The following UBQLN4 variants were observed in gnomAD, a reference collection of about 807,000 sequenced individuals.
UBQLN4 encodes the protein ubiquilin-4.
Under a neutral mutation model 60.4 loss-of-function variants are expected in UBQLN4, and 11 were observed. The observed-to-expected ratio is 0.18, with a 90% confidence interval of 0.11 to 0.30. UBQLN4 has a LOEUF of 0.30. Ranked by LOEUF, UBQLN4 falls within the 10% of genes least tolerant of loss-of-function variation. UBQLN4 has a pLI of 1.00. For synonymous variants in UBQLN4, 258 were observed against 313.1 expected, an observed-to-expected ratio of 0.82 and a Z score of 1.86; for missense variants, 417 against 795.5, an observed-to-expected ratio of 0.52 and a Z score of 5.72.
chr1:156,043,856 C>G (rs941940657), intron 6 of UBQLN4, 142 bp downstream of exon 6: 1 of 913,574 alleles, frequency 1.1e-6, no homozygotes, highest in Non-Finnish European at 1.7e-6. Flanking sequence ...CGGCCACTAT[C>G]CCAGACGGCA....
At chr1:156,043,837 G>T (rs567225235) in intron 6 of UBQLN4, among the ~76,000 whole-genome samples, 161 bp downstream of exon 6, 12 of 152,280 alleles carry the variant, frequency 7.9e-5, no homozygotes, top group African/African-American at 2.9e-4. Context: ...GCCAGAACCA[G>T]CCCTCACCCG....
At position 156,037,084 on chromosome 1, in the gene UBQLN4, T is replaced by C. The variant is rs763446941; in HGVS notation, c.1700A>G (p.Asn567Ser). Residue 567 changes from asparagine (N) to serine (S), a missense_variant, in exon 11 of 11, where the codon AAC becomes AGC. By Grantham distance (46) the Asn-to-Ser change is conservative. Coordinates refer to ENST00000368309, the MANE Select transcript of UBQLN4 (RefSeq NM_020131.5). ...CTCACGATTGATGAAGCCCATGGAG[T>C]TGAGCTGCTCCAGCTGCTGCTGAAA... The part of the protein sequence containing the change: ...VRFQQQLEQL[N>S]SMGFINREAN... 6.2e-7 allele frequency: 1 copy of C among 1,613,914 alleles called. No individual in the cohort carries two copies. Among genetic ancestry groups the C allele is most frequent in the African/African-American group, 1.3e-5 (1 of 74,864 alleles).
intron 5 of UBQLN4, among the ~76,000 whole-genome samples, chr1:156,047,347 G>A (rs1683731192): frequency 6.6e-6 from 1 of 150,722 alleles, no homozygotes; most frequent in Non-Finnish European, 1.5e-5. Flanking sequence ...GGGTTCAAGC[G>A]ATTCTCCTGC....
rs938692403 is a variant in UBQLN4, at chr1:156,035,740, C to T, written c.*1238G>A. The T allele has an allele frequency of 1.0e-6, 1 of 985,404 alleles. No individual in the cohort carries two copies. The highest frequency in any genetic ancestry group is 1.7e-5 in the African/African-American group (1 of 57,318). The allele number at this position is 985,404 out of a possible 1,614,324, so 61.0% of individuals were successfully genotyped here. A position where few individuals can be genotyped will look rare whatever the true frequency, so the allele number is the denominator to read the frequency against. ...AGCTTCAGAAAGGGTACCCACATTACCTCTGGGTTACCCAGCATCCAGAGC... is the reference window on the plus strand; with the variant it reads ...AGCTTCAGAAAGGGTACCCACATTATCTCTGGGTTACCCAGCATCCAGAGC... On this transcript the variant is annotated 3_prime_UTR_variant, in exon 11 of 11. Coordinates refer to ENST00000368309, the MANE Select transcript of UBQLN4 (RefSeq NM_020131.5).
At chr1:156,040,612 AT>A (rs977311697) in intron 10 of UBQLN4, among the ~76,000 whole-genome samples, 223 of 144,500 alleles carry the variant, frequency 1.5e-3, no homozygotes, top group Non-Finnish European at 1.9e-3. Flanking sequence ...CGCCTGGCTA[AT>A]TTTTTTTTTT....
chr1:156,042,512 C>T (rs1399565972), intron 7 of UBQLN4: 2 of 1,220,290 alleles, frequency 1.6e-6, no homozygotes, highest in Admixed American at 3.1e-5. Flanking sequence ...TACTCTGTCA[C>T]ACGCCATGTT....
In UBQLN4 at chr1:156,050,472, C is replaced by T. The variant is rs141620310; in HGVS notation, c.560G>A (p.Arg187Gln). 91 of 1,613,718 alleles carry T rather than the reference C, an allele frequency of 5.6e-5. No individual in the cohort carries two copies. In the Admixed American group the frequency reaches 1.1e-3, roughly 19 times the overall value. The change falls in exon 4 of 11, where the codon CGG (arginine) becomes CAG (glutamine). Residue 187 changes from arginine (R) to glutamine (Q), a missense_variant. Arg to Gln is a conservative substitution (Grantham distance 43). Coordinates refer to ENST00000368309, the MANE Select transcript of UBQLN4 (RefSeq NM_020131.5). This position sits in a 1 kb window ranked among gnomAD's most constrained non-coding sequence, Gnocchi z 4.6. Reference sequence around the variant, plus strand: ...CATCTCAGGATTGGACATCAGCTGCCGCTGCATCTGCTGCTGCAGCTCCAT... The same window carrying T: ...CATCTCAGGATTGGACATCAGCTGCTGCTGCATCTGCTGCTGCAGCTCCAT... ...NFMELQQQMQRQLMSNPEMLS... is the reference protein window; with the variant it reads ...NFMELQQQMQQQLMSNPEMLS...
intron 10 of UBQLN4, among the ~76,000 whole-genome samples, chr1:156,039,936 CAAAAAAAAA>C (rs34790727): frequency 2.8e-5 from 2 of 72,008 alleles, no homozygotes; most frequent in African/African-American, 1.1e-4. Flanking sequence ...GACTCCGTCT[CAAAAAAAAA>C]AAAAAAAAAA....
At chr1:156,043,592 T>C (rs1683623578) in intron 6 of UBQLN4, among the ~76,000 whole-genome samples, 1 of 152,056 alleles carries the variant, frequency 6.6e-6, no homozygotes, top group Admixed American at 6.6e-5. Flanking sequence ...TCCTCTAGGG[T>C]TGTGCAGTGC....
chr1:156,050,422 G>A lies in UBQLN4; in HGVS notation c.610C>T (p.Leu204=). ...GGGTTAGACATCATATCCTGGACCA[G>A]GGGGTTCTCCATGATCTGTGACAGC... The part of the protein sequence containing the change: ...EMLSQIMENP[L]VQDMMSNPDL... Residue 204 remains leucine (L), a synonymous_variant, in exon 4 of 11, where the codon CTG becomes TTG. Coordinates refer to ENST00000368309, the MANE Select transcript of UBQLN4 (RefSeq NM_020131.5). This position sits in a 1 kb window ranked among gnomAD's most constrained non-coding sequence, Gnocchi z 4.6. The A allele has an allele frequency of 6.2e-7, 1 of 1,614,064 alleles. No homozygotes were observed. Among genetic ancestry groups the A allele is most frequent in the Non-Finnish European group, 8.5e-7 (1 of 1,180,020 alleles).
chr1:156,042,012 G>C, intron 8 of UBQLN4, 25 bp from the exon 9 acceptor site: 1 of 1,613,544 alleles, frequency 6.2e-7, no homozygotes, highest in Non-Finnish European at 8.5e-7. Context: ...GCAGAGAAAG[G>C]CATCAAGAGG....
chr1:156,052,447 C>T (rs1425151988), intron 1 of UBQLN4, among the ~76,000 whole-genome samples: 1 of 152,216 alleles, frequency 6.6e-6, no homozygotes, highest in Non-Finnish European at 1.5e-5. Flanking sequence ...CTGCTTCAGC[C>T]TCCCGAGTGT....
intron 10 of UBQLN4, among the ~76,000 whole-genome samples, chr1:156,039,936 C>CAAAAAAAAA (rs34790727): frequency 1.4e-5 from 1 of 72,008 alleles, no homozygotes; most frequent in African/African-American, 5.6e-5. Context: ...GACTCCGTCT[C>CAAAAAAAAA]AAAAAAAAAA....
Position 156,050,325 on chromosome 1 carries a change from C to T in UBQLN4, c.707G>A (p.Ser236Asn), listed in dbSNP as rs1282508708. The part of the protein sequence containing the change: ...QQLMERNPEI[S>N]HMLNNPELMR... ...GAGTTCAGGGTTATTGAGCATGTGG[C>T]TGATCTCAGGGTTCCGCTCCATCAA... is the stretch of plus-strand genomic sequence containing the variant. Residue 236 changes from serine (S) to asparagine (N), a missense_variant, in exon 4 of 11, where the codon AGC becomes AAC. Coordinates refer to ENST00000368309, the MANE Select transcript of UBQLN4 (RefSeq NM_020131.5). The surrounding 1 kb of genome is among the most constrained non-coding windows in gnomAD (Gnocchi z 4.6). 2 of 1,600,520 alleles carry T rather than the reference C, an allele frequency of 1.2e-6. No homozygotes were observed. The highest frequency in any genetic ancestry group is 2.2e-5 in the East Asian group (1 of 44,696).
rs1683605475 is a variant in UBQLN4, at chr1:156,042,879, G to A, written c.1161C>T (p.Leu387=). The part of the protein sequence containing the change: ...MFNSPEMQAL[L]QQISENPQLM... ...GCTGGGGGTTCTCAGAGATCTGCTG[G>A]AGGAGGGCTTGCATTTCTGGGCTAT... Residue 387 remains leucine, a synonymous_variant, in exon 7 of 11, where the codon CTC becomes CTT. Coordinates refer to ENST00000368309, the MANE Select transcript of UBQLN4 (RefSeq NM_020131.5). 3 of 1,614,088 alleles carry A rather than the reference G, an allele frequency of 1.9e-6. No homozygotes were observed. The highest frequency in any genetic ancestry group is 1.3e-5 in the African/African-American group (1 of 74,934).
At chr1:156,047,417 G>A (rs1249865325) in intron 5 of UBQLN4, among the ~76,000 whole-genome samples, 1 of 151,044 alleles carries the variant, frequency 6.6e-6, no homozygotes, top group Admixed American at 6.6e-5. Flanking sequence ...CTAATTTTTT[G>A]TATTTTTAGT....
chr1:156,051,035 TG>T (rs2102756338), intron 3 of UBQLN4, 74 bp downstream of exon 3: 1 of 1,433,960 alleles, frequency 7.0e-7, no homozygotes, highest in South Asian at 1.2e-5. Context: ...CAGGAACTCC[TG>T]TTTCTCCCTC....
chr1:156,050,634 G>A lies in UBQLN4; in HGVS notation c.479-81C>T. The A allele has an allele frequency of 3.4e-6, 5 of 1,488,864 alleles. No individual in the cohort carries two copies. The highest frequency in any genetic ancestry group is 3.6e-6 in the Non-Finnish European group (4 of 1,116,814). The allele number at this position is 1,488,864 out of a possible 1,614,324, so 92.2% of individuals were successfully genotyped here. Reference sequence around the variant, plus strand: ...CAGAGCCACTGAATTCAGATCTCCAGGACACGCCCCAAATGCTTCTCACAT... The same window carrying A: ...CAGAGCCACTGAATTCAGATCTCCAAGACACGCCCCAAATGCTTCTCACAT... On this transcript the variant is annotated intron_variant, in intron 3 of 10. Transcript: ENST00000368309. This position sits in a 1 kb window ranked among gnomAD's most constrained non-coding sequence, Gnocchi z 4.6.
In UBQLN4 at chr1:156,040,087, G is replaced by A. The variant is rs1291610129; in HGVS notation, c.1653+1398C>T. 6.6e-5 allele frequency among the ~76,000 whole-genome samples: 10 copies of A among 151,892 alleles called. No individual in the cohort carries two copies. In the East Asian group the frequency reaches 2.0e-3, roughly 30 times the overall value. On this transcript the variant is annotated intron_variant, in intron 10 of 10. Transcript: ENST00000368309. ...AGAAAGTCAGTCACTAAGGCCCCCT[G>A]ACTTGCAGTATAAAAGCCCTTTCTG...
Sources: allele counts gnomAD v4.1 joint callset (sites outside exome capture counted in the v4.1 genomes callset), GRCh38; gene constraint gnomAD v4.1.1; non-coding constraint Gnocchi (gnomAD v3.1); transcripts MANE v1.5; gene names NCBI Gene and HGNC (gene_info 2026-07-23, HGNC 2026-07-21).